The following HS3ST5 variants were observed in gnomAD, a reference collection of about 807,000 sequenced individuals.
HS3ST5 encodes heparan sulfate-glucosamine 3-sulfotransferase 5.
HS3ST5 carries 10 observed loss-of-function variants against 25.4 expected under a neutral mutation model. The ratio of observed to expected loss-of-function variants is 0.39; its 90% confidence interval spans 0.24 to 0.67. The LOEUF (loss-of-function observed/expected upper bound fraction) is 0.67. HS3ST5 is among the 30% of genes least tolerant of loss of function. The pLI, the probability that HS3ST5 is intolerant of heterozygous loss-of-function variation, is 0.44. For missense variants in HS3ST5, 324 were observed against 420.7 expected, an observed-to-expected ratio of 0.77 and a Z score of 2.01; for synonymous variants, 170 against 162.4, an observed-to-expected ratio of 1.05 and a Z score of -0.36.
chr6:114,310,901 T>C (rs1363349485), intron 1 of HS3ST5, among the ~76,000 whole-genome samples: 1 of 152,080 alleles, frequency 6.6e-6, no homozygotes, highest in Non-Finnish European at 1.5e-5. Context: ...GCAAATAGAG[T>C]TTGGCAACTT....
intron 3 of HS3ST5, among the ~76,000 whole-genome samples, chr6:114,066,841 G>T (rs892902622): frequency 1.3e-5 from 2 of 151,946 alleles, no homozygotes; most frequent in Non-Finnish European, 2.9e-5. Context: ...ATTTTCTATG[G>T]CCCTGTATAG....
chr6:114,084,776 G>C (rs1774697052), intron 3 of HS3ST5: 1 of 756,168 alleles, frequency 1.3e-6, no homozygotes, highest in South Asian at 1.4e-5. Context: ...TCCAGTGGCA[G>C]CAGCAAACTT....
At chr6:114,086,316 G>C (rs1407980756) in intron 3 of HS3ST5, among the ~76,000 whole-genome samples, 1 of 152,180 alleles carries the variant, frequency 6.6e-6, no homozygotes, top group Non-Finnish European at 1.5e-5. Flanking sequence ...AGCAGAAGGA[G>C]TGATTAGATT....
At position 114,342,432 on chromosome 6, in the gene HS3ST5, C is replaced by T. The variant is rs1436789927; in HGVS notation, c.-576G>A. The T allele has an allele frequency of 1.0e-5, 2 of 193,170 alleles. No individual in the cohort carries two copies. The highest frequency in any genetic ancestry group is 1.6e-4 in the East Asian group (1 of 6,376). 12.0% of individuals were successfully genotyped at this position (193,170 alleles called of 1,614,324 possible). A position where few individuals can be genotyped will look rare whatever the true frequency, so the allele number is the denominator to read the frequency against. The stretch of plus-strand genomic sequence containing the variant: ...GGGCCCCACACGCAGGCGGCGGCGG[C>T]GGCGGCGGCGGCGGCGAGGTCTGAG... On this transcript the variant is annotated 5_prime_UTR_variant, in exon 1 of 5. Coordinates refer to ENST00000312719, the MANE Select transcript of HS3ST5 (RefSeq NM_153612.4).
chr6:114,105,779 A>C (rs762450157), intron 3 of HS3ST5, among the ~76,000 whole-genome samples: 2 of 152,150 alleles, frequency 1.3e-5, no homozygotes, highest in African/African-American at 2.4e-5. Flanking sequence ...CTCTGTGCAC[A>C]TCTCCTGCCA....
chr6:114,239,999 A>G (rs1050104783), intron 1 of HS3ST5, among the ~76,000 whole-genome samples: 1 of 115,946 alleles, frequency 8.6e-6, no homozygotes, highest in Non-Finnish European at 1.7e-5. Context: ...CTTGAGCTTC[A>G]GCACACACAT....
At chr6:114,183,558 G>C (rs574500081) in intron 2 of HS3ST5, among the ~76,000 whole-genome samples, 7 of 152,232 alleles carry the variant, frequency 4.6e-5, no homozygotes, top group South Asian at 2.1e-4. Context: ...TATTGGTTCT[G>C]TGTCTCTGGA....
At chr6:114,133,143 A>G (rs1777427659) in intron 3 of HS3ST5, among the ~76,000 whole-genome samples, 1 of 151,958 alleles carries the variant, frequency 6.6e-6, no homozygotes, top group East Asian at 1.9e-4. Context: ...ATGTTCTTGC[A>G]CAGATCTCAT....
At chr6:114,112,107 C>G (rs1349959258) in intron 3 of HS3ST5, among the ~76,000 whole-genome samples, 1 of 152,198 alleles carries the variant, frequency 6.6e-6, no homozygotes, top group Non-Finnish European at 1.5e-5. Context: ...CCATGGTGAG[C>G]TGGGCAGAAT....
rs547508887 is a variant in HS3ST5, at chr6:114,066,038, A to T, written c.-32-3161T>A. The stretch of plus-strand genomic sequence containing the variant: ...AGGCTTCTCCAGCTTCCAGTCCAGG[A>T]TCCAATCACCCACCTCCACTAACTC... On this transcript the variant is annotated intron_variant, in intron 3 of 4. Transcript: ENST00000312719. 2.2e-4 allele frequency among the ~76,000 whole-genome samples: 33 copies of T among 152,294 alleles called. No homozygotes were observed. In the South Asian group the frequency reaches 6.7e-3, roughly 31 times the overall value.
At chr6:114,272,955 G>T (rs1029130294) in intron 1 of HS3ST5, among the ~76,000 whole-genome samples, 11 of 152,064 alleles carry the variant, frequency 7.2e-5, no homozygotes, top group Non-Finnish European at 1.3e-4. Flanking sequence ...AATGACAGCA[G>T]CCTTGCAAGT....
chr6:114,263,472 A>G (rs9488360), intron 1 of HS3ST5, among the ~76,000 whole-genome samples: 2,396 of 152,336 alleles, frequency 0.016, 49 homozygotes, highest in African/African-American at 0.05. Context: ...AGATAAGAGA[A>G]AAGCTATTTG....
intron 3 of HS3ST5, among the ~76,000 whole-genome samples, chr6:114,154,691 C>G (rs1433394936): frequency 6.6e-6 from 1 of 152,028 alleles, no homozygotes; most frequent in Non-Finnish European, 1.5e-5. Flanking sequence ...GCTTACTTTG[C>G]TTGGGGGAAG....
At chr6:114,183,830 T>C (rs1780076608) in intron 2 of HS3ST5, among the ~76,000 whole-genome samples, 2 of 152,138 alleles carry the variant, frequency 1.3e-5, no homozygotes, top group Admixed American at 6.5e-5. Context: ...AGAGTGTTAG[T>C]AGAAACACAG....
intron 3 of HS3ST5, among the ~76,000 whole-genome samples, chr6:114,160,717 A>G (rs1217795647): frequency 2.0e-5 from 3 of 152,196 alleles, no homozygotes; most frequent in South Asian, 2.1e-4. Flanking sequence ...ATATCTGACA[A>G]CAGCATTAGG....
At chr6:114,163,387 C>T (rs766362531) in intron 3 of HS3ST5, among the ~76,000 whole-genome samples, 4 of 151,924 alleles carry the variant, frequency 2.6e-5, no homozygotes, top group East Asian at 3.9e-4. Flanking sequence ...AAACTGAAAT[C>T]GTCCCAAGAA....
At chr6:114,166,560 A>C (rs1359677256) in intron 3 of HS3ST5, among the ~76,000 whole-genome samples, 1 of 152,150 alleles carries the variant, frequency 6.6e-6, no homozygotes, top group Non-Finnish European at 1.5e-5. Flanking sequence ...CAAATCCTAA[A>C]ATGTTATTTT....
At chr6:114,203,800 A>G (rs1380503171) in intron 2 of HS3ST5, among the ~76,000 whole-genome samples, 3 of 152,166 alleles carry the variant, frequency 2.0e-5, no homozygotes, top group Admixed American at 2.0e-4. Context: ...TGGGAGGCAG[A>G]TTTGAGAAAT....
chr6:114,221,365 T>G (rs1782027821), intron 2 of HS3ST5, among the ~76,000 whole-genome samples: 1 of 151,940 alleles, frequency 6.6e-6, no homozygotes, highest in South Asian at 2.1e-4. Flanking sequence ...GAATTTAAAG[T>G]TCAGTCCTCA....
Sources: gnomAD v4.1 joint callset for allele counts (sites outside exome capture counted in the v4.1 genomes callset) on GRCh38, gnomAD v4.1.1 for gene constraint, MANE v1.5 for transcripts, NCBI Gene and HGNC (gene_info 2026-07-23, HGNC 2026-07-21) for gene names.